The following CAMKMT variants were observed in gnomAD, a reference collection of about 807,000 sequenced individuals.
CAMKMT encodes CaM KMT.
Under a neutral mutation model 48.0 loss-of-function variants are expected in CAMKMT, and 53 were observed. The observed-to-expected ratio is 1.10, with a 90% CI of 0.89 to 1.39. The LOEUF (loss-of-function observed/expected upper bound fraction) is 1.39, where lower values mean the gene tolerates loss of function less well. CAMKMT is among the 40% of genes most tolerant of loss of function. The pLI is 0.00. For synonymous variants in CAMKMT, 165 were observed against 152.3 expected, an observed-to-expected ratio of 1.08 and a Z score of -0.61; for missense variants, 428 against 402.7, an observed-to-expected ratio of 1.06 and a Z score of -0.54.
At chr2:44,747,976 G>T (rs1378443980) in intron 8 of CAMKMT, among the ~76,000 whole-genome samples, 1 of 152,116 alleles carries the variant, frequency 6.6e-6, no homozygotes, top group Non-Finnish European at 1.5e-5. Flanking sequence ...TGGTATCTCT[G>T]TCCCCATCAC....
At chr2:44,587,455 C>CCCCTGT (rs1239874782) in intron 3 of CAMKMT, among the ~76,000 whole-genome samples, 4 of 145,996 alleles carry the variant, frequency 2.7e-5, no homozygotes, top group Non-Finnish European at 4.5e-5. Flanking sequence ...CCTCCCCCTC[C>CCCCTGT]CCCTGTCCCT....
intron 3 of CAMKMT, among the ~76,000 whole-genome samples, chr2:44,671,496 T>C (rs1012802962): frequency 6.6e-6 from 1 of 152,214 alleles, no homozygotes; most frequent in African/African-American, 2.4e-5. Flanking sequence ...GACTGTTTGT[T>C]GTCTGGGCCT....
At chr2:44,547,668 C>G (rs1242368731) in intron 3 of CAMKMT, among the ~76,000 whole-genome samples, 4 of 152,060 alleles carry the variant, frequency 2.6e-5, no homozygotes, top group Non-Finnish European at 4.4e-5. Context: ...TCTGGAATAC[C>G]CAGGTTCAAA....
chr2:44,432,389 C>T (rs558509197), intron 3 of CAMKMT, among the ~76,000 whole-genome samples: 10 of 152,232 alleles, frequency 6.6e-5, no homozygotes, highest in Admixed American at 2.0e-4. Flanking sequence ...GCACTGATTA[C>T]GAAGGCACCC....
intron 1 of CAMKMT, among the ~76,000 whole-genome samples, chr2:44,365,146 T>A (rs1281033601): frequency 1.3e-5 from 2 of 152,196 alleles, no homozygotes; most frequent in African/African-American, 4.8e-5. Context: ...ATCTAAGCAG[T>A]GCTAGAGATA....
chr2:44,699,525 T>C (rs899476482), intron 3 of CAMKMT, among the ~76,000 whole-genome samples: 4 of 152,172 alleles, frequency 2.6e-5, no homozygotes, highest in African/African-American at 7.2e-5. Context: ...TATAAACAGA[T>C]GTACTATCAT....
chr2:44,583,477 T>A (rs1338380585), intron 3 of CAMKMT, among the ~76,000 whole-genome samples: 1 of 152,108 alleles, frequency 6.6e-6, no homozygotes, highest in Non-Finnish European at 1.5e-5. Context: ...AATCAACACT[T>A]AAAACTCAAT....
At chr2:44,552,947 G>A (rs941623908) in intron 3 of CAMKMT, among the ~76,000 whole-genome samples, 3 of 152,276 alleles carry the variant, frequency 2.0e-5, no homozygotes, top group East Asian at 1.9e-4. Context: ...TTTAGAGGAA[G>A]GGAATAGGAT....
chr2:44,375,575 G>C (rs191298413), intron 2 of CAMKMT, among the ~76,000 whole-genome samples: 1 of 152,188 alleles, frequency 6.6e-6, no homozygotes, highest in Admixed American at 6.5e-5. Flanking sequence ...GTGAGTTTTG[G>C]AAATGATTTT....
At chr2:44,470,611 T>A (rs1438409264) in intron 3 of CAMKMT, among the ~76,000 whole-genome samples, 2 of 152,232 alleles carry the variant, frequency 1.3e-5, no homozygotes, top group Non-Finnish European at 2.9e-5. Context: ...GTACGTTTAC[T>A]GTCTTTATTT....
rs1055051806 is a variant in CAMKMT, at chr2:44,381,707, G to T, written c.312-8534G>T. The stretch of plus-strand genomic sequence containing the variant: ...TTATAATACATACTTTGTTATAATT[G>T]GTGAATAACAAATTGCAAAACAATA... On this transcript the variant is annotated intron_variant, in intron 2 of 10. Transcript: ENST00000378494. 2.6e-5 allele frequency among the ~76,000 whole-genome samples: 4 copies of T among 152,084 alleles called. No homozygotes were observed. The East Asian group carries it at 7.7e-4, about 29-fold the overall frequency.
intron 3 of CAMKMT, among the ~76,000 whole-genome samples, chr2:44,607,930 T>C (rs1366368269): frequency 2.6e-5 from 4 of 152,100 alleles, no homozygotes; most frequent in Admixed American, 6.5e-5. Context: ...TTAGCATGAC[T>C]GATCTTATTC....
chr2:44,755,236 C>T (rs144595579), intron 9 of CAMKMT, among the ~76,000 whole-genome samples: 2 of 152,244 alleles, frequency 1.3e-5, no homozygotes, highest in East Asian at 3.9e-4. Context: ...CAATTGGCCT[C>T]CTCAGTTCCC....
rs140344314 is a variant in CAMKMT at position 44,454,702 on chromosome 2, C to G, written c.376+64397C>G. 2.4e-3 allele frequency among the ~76,000 whole-genome samples: 364 copies of G among 152,090 alleles called. 1 individual carries two copies. Among genetic ancestry groups the G allele is most frequent in the African/African-American group, 8.2e-3 (342 of 41,516 alleles). On this transcript the variant is annotated intron_variant, in intron 3 of 10. Transcript: ENST00000378494. The stretch of plus-strand genomic sequence containing the variant: ...TTATCTCTTGGACGGCATAATGGCC[C>G]CAAACCTAATATAGCAATGAATCTG...
At chr2:44,366,822 A>G (rs1210909488) in intron 1 of CAMKMT, among the ~76,000 whole-genome samples, 1 of 152,052 alleles carries the variant, frequency 6.6e-6, no homozygotes, top group Non-Finnish European at 1.5e-5. Context: ...CCTGGGTTCA[A>G]ACGATTCTTG....
rs1344705093 is a variant in CAMKMT at position 44,501,115 on chromosome 2, A to G, written c.376+110810A>G. On this transcript the variant is annotated intron_variant, in intron 3 of 10. Coordinates refer to ENST00000378494, the MANE Select transcript of CAMKMT (RefSeq NM_024766.5). ...CTTAGTACTAACTTCAGTTTGCATA[A>G]TATATATTTATATATTCAATGTGAA... Among the ~76,000 whole-genome samples, 5 of 151,474 alleles carry G rather than the reference A, an allele frequency of 3.3e-5. No individual in the cohort carries two copies. The East Asian group carries it at 7.7e-4, about 23-fold the overall frequency.
rs889553235 is a variant in CAMKMT, at chr2:44,632,892, C to G, written c.377-71391C>G. On this transcript the variant is annotated intron_variant, in intron 3 of 10. Coordinates refer to ENST00000378494, the MANE Select transcript of CAMKMT (RefSeq NM_024766.5). ...CTCCAAGTTCTTTAGTTTTGGGTCTCAGGCTGGCTCTCCTTGCTCCTCATC... is the reference window on the plus strand; with the variant it reads ...CTCCAAGTTCTTTAGTTTTGGGTCTGAGGCTGGCTCTCCTTGCTCCTCATC... Among the ~76,000 whole-genome samples the G allele has an allele frequency of 2.0e-5, 3 of 152,180 alleles. No individual in the cohort carries two copies. In the East Asian group the frequency reaches 5.8e-4, roughly 29 times the overall value.
intron 3 of CAMKMT, among the ~76,000 whole-genome samples, chr2:44,682,587 C>G (rs745450590): frequency 6.2e-4 from 94 of 152,288 alleles, no homozygotes; most frequent in Admixed American, 1.2e-3. Context: ...CTATTAACTG[C>G]CCATCATGCA....
At chr2:44,519,384 C>G (rs1670987659) in intron 3 of CAMKMT, among the ~76,000 whole-genome samples, 1 of 151,792 alleles carries the variant, frequency 6.6e-6, no homozygotes, top group South Asian at 2.1e-4. Context: ...ATTTTTTTTC[C>G]AAAACAAGTT....
Sources: allele counts gnomAD v4.1 joint callset (sites outside exome capture counted in the v4.1 genomes callset), GRCh38; gene constraint gnomAD v4.1.1; transcripts MANE v1.5; gene names NCBI Gene and HGNC (gene_info 2026-07-23, HGNC 2026-07-21).